The following ST3GAL3 variants were observed in gnomAD, a reference collection of about 807,000 sequenced individuals.
ST3GAL3 encodes the protein ST3 beta-galactoside alpha-2,3-sialyltransferase 3, also known as CMP-N-acetylneuraminate-beta-1,4-galactoside alpha-2,3-sialyltransferase.
In ST3GAL3, 21 loss-of-function variants were observed where a neutral mutation model predicts 50.1. The observed-to-expected ratio is 0.42, with a 90% CI of 0.30 to 0.60. The LOEUF is 0.60. Ranked by LOEUF, ST3GAL3 falls within the 20% of genes least tolerant of loss-of-function variation. The pLI is 0.19. For synonymous variants in ST3GAL3, 183 were observed against 190.0 expected, an observed-to-expected ratio of 0.96 and a Z score of 0.30; for missense variants, 353 against 489.4, an observed-to-expected ratio of 0.72 and a Z score of 2.63.
chr1:43,714,454 A>G (rs1666364600), intron 1 of ST3GAL3, among the ~76,000 whole-genome samples: 1 of 149,250 alleles, frequency 6.7e-6, no homozygotes, highest in African/African-American at 2.5e-5. Flanking sequence ...AAAAAAAAAA[A>G]ATTAGCTGGG....
intron 9 of ST3GAL3, among the ~76,000 whole-genome samples, chr1:43,902,937 A>G (rs949499531): frequency 2.0e-5 from 3 of 152,154 alleles, no homozygotes; most frequent in African/African-American, 7.2e-5. Context: ...AGAGTCCCAG[A>G]GCTAGAGTTA....
At chr1:43,755,763 T>C (rs1243226755) in intron 2 of ST3GAL3, among the ~76,000 whole-genome samples, 1 of 152,142 alleles carries the variant, frequency 6.6e-6, no homozygotes, top group Non-Finnish European at 1.5e-5. Flanking sequence ...CAAAGGTTTT[T>C]AAGGATACAA....
intron 5 of ST3GAL3, among the ~76,000 whole-genome samples, chr1:43,873,300 G>A (rs1030390430): frequency 1.3e-5 from 2 of 152,190 alleles, no homozygotes; most frequent in Non-Finnish European, 2.9e-5. Context: ...GCACAGGTGT[G>A]AGTATGAGAG....
At chr1:43,811,974 A>G (rs1464174669) in intron 3 of ST3GAL3, among the ~76,000 whole-genome samples, 1 of 152,246 alleles carries the variant, frequency 6.6e-6, no homozygotes, top group Non-Finnish European at 1.5e-5. Context: ...ATCTTAGTCT[A>G]GCACTTCACT....
At chr1:43,878,907 C>T (rs745938825) in intron 5 of ST3GAL3, 1 of 400,682 alleles carries the variant, frequency 2.5e-6, no homozygotes, top group African/African-American at 2.1e-5. Flanking sequence ...TGACAGTGAA[C>T]AGAATGGGCA....
At chr1:43,903,772 G>A (rs11210935) in intron 9 of ST3GAL3, among the ~76,000 whole-genome samples, 93,845 of 151,690 alleles carry the variant, frequency 0.62, 32,947 homozygotes, top group Non-Finnish European at 0.79. Flanking sequence ...AGGGGAAAAT[G>A]GCTTAGGCCT....
chr1:43,744,027 T>C (rs16831120), intron 2 of ST3GAL3, among the ~76,000 whole-genome samples: 2,188 of 152,334 alleles, frequency 0.014, 55 homozygotes, highest in African/African-American at 0.05. Flanking sequence ...CTTATCTTTA[T>C]ATTCCAGTAA....
intron 2 of ST3GAL3, among the ~76,000 whole-genome samples, chr1:43,778,919 TTACA>T (rs1698378944): frequency 6.6e-6 from 1 of 151,718 alleles, no homozygotes; most frequent in South Asian, 2.1e-4. Context: ...AGCGCTGGGA[TTACA>T]GGCGTGAGCC....
Position 43,894,449 on chromosome 1 carries a change from C to A in ST3GAL3, c.369C>A (p.Phe123Leu), listed in dbSNP as rs751856791. 5 of 1,613,992 alleles carry A rather than the reference C, an allele frequency of 3.1e-6. No homozygotes were observed. Among genetic ancestry groups the A allele is most frequent in the Non-Finnish European group, 4.2e-6 (5 of 1,180,024 alleles). ...GCAAGTGGGCTAGAATCCGGGAGTTCGTGCCGCCTTTTGGGATCAAAGGTC... is the reference window on the plus strand; with the variant it reads ...GCAAGTGGGCTAGAATCCGGGAGTTAGTGCCGCCTTTTGGGATCAAAGGTC... ...SFRKWARIRE[F>L]VPPFGIKGQD... Residue 123 changes from phenylalanine (F) to leucine (L), a missense_variant, in exon 6 of 12, where the codon TTC becomes TTA. Coordinates refer to ENST00000347631, the MANE Select transcript of ST3GAL3 (RefSeq NM_006279.5).
chr1:43,822,520 C>A (rs989156249), intron 4 of ST3GAL3, among the ~76,000 whole-genome samples: 2 of 152,118 alleles, frequency 1.3e-5, no homozygotes, highest in Non-Finnish European at 2.9e-5. Flanking sequence ...ACTCTTAACC[C>A]CCAGAGCCTT....
intron 5 of ST3GAL3, among the ~76,000 whole-genome samples, chr1:43,859,384 A>G (rs2154228253): frequency 6.6e-6 from 1 of 152,028 alleles, no homozygotes; most frequent in African/African-American, 2.4e-5. Flanking sequence ...ACATGGAGAA[A>G]CCCCATCTCT....
chr1:43,718,583 T>G (rs552243805), intron 1 of ST3GAL3, among the ~76,000 whole-genome samples: 6 of 151,782 alleles, frequency 4.0e-5, no homozygotes, highest in Non-Finnish European at 5.9e-5. Flanking sequence ...TCCTAATGTG[T>G]TTTTCCCTTC....
At chr1:43,925,677 C>G (rs2083795933) in intron 11 of ST3GAL3, among the ~76,000 whole-genome samples, 1 of 152,238 alleles carries the variant, frequency 6.6e-6, no homozygotes, top group South Asian at 2.1e-4. Context: ...TCAGCTCACT[C>G]TGCAGGCCCA....
chr1:43,844,680 C>A (rs868214653), intron 5 of ST3GAL3, among the ~76,000 whole-genome samples: 1 of 152,072 alleles, frequency 6.6e-6, no homozygotes, highest in Non-Finnish European at 1.5e-5. Context: ...GGCGTGGTGG[C>A]GGGCACTACG....
intron 5 of ST3GAL3, among the ~76,000 whole-genome samples, chr1:43,865,269 C>T (rs760613424): frequency 1.1e-4 from 17 of 152,238 alleles, no homozygotes; most frequent in Middle Eastern, 6.8e-3. Context: ...CCTCCCGCCT[C>T]GGCCTCCCAA....
intron 4 of ST3GAL3, among the ~76,000 whole-genome samples, chr1:43,819,387 C>G (rs994304270): frequency 6.6e-6 from 1 of 152,168 alleles, no homozygotes; most frequent in South Asian, 2.1e-4. Flanking sequence ...GCCACCGTGC[C>G]CGGCAATTTT....
intron 11 of ST3GAL3, among the ~76,000 whole-genome samples, chr1:43,924,490 C>T (rs554576918): frequency 4.6e-5 from 7 of 152,278 alleles, no homozygotes; most frequent in East Asian, 3.9e-4. Flanking sequence ...TTCTGTGCCA[C>T]GGAAGGAGTT....
intron 4 of ST3GAL3, among the ~76,000 whole-genome samples, chr1:43,831,094 AC>A (rs1176950943): frequency 6.6e-6 from 1 of 152,196 alleles, no homozygotes; most frequent in Non-Finnish European, 1.5e-5. Context: ...AGTTAAGGAA[AC>A]CAGTTGTGTC....
intron 2 of ST3GAL3, among the ~76,000 whole-genome samples, chr1:43,769,421 C>T (rs1218119187): frequency 2.0e-5 from 3 of 152,088 alleles, no homozygotes; most frequent in Non-Finnish European, 4.4e-5. Context: ...GCAAGAAAAA[C>T]CCATGATGAA....
Sources: allele counts gnomAD v4.1 joint callset (sites outside exome capture counted in the v4.1 genomes callset), GRCh38; gene constraint gnomAD v4.1.1; transcripts MANE v1.5; gene names NCBI Gene and HGNC (gene_info 2026-07-23, HGNC 2026-07-21).